Variants in CPED1 observed in about 807,000 individuals in gnomAD.
CPED1 encodes the protein cadherin-like and PC-esterase domain-containing protein 1.
A neutral mutation model predicts 128.2 loss-of-function variants in CPED1; 114 were observed. The ratio of observed to expected loss-of-function variants is 0.89; its 90% CI spans 0.76 to 1.04. The LOEUF (loss-of-function observed/expected upper bound fraction) is 1.04, where lower values mean the gene tolerates loss of function less well. Ranked by LOEUF, CPED1 falls within the 50% of genes least tolerant of loss-of-function variation. CPED1 has a pLI of 0.00. For synonymous variants in CPED1, 462 were observed against 426.7 expected (o/e 1.08, Z -1.02); for missense variants, 1,211 against 1,207.1 (o/e 1.00, Z -0.05).
rs73723408 is a variant in CPED1 at position 121,059,375 on chromosome 7, C to T, written c.541-4863C>T. Among the ~76,000 whole-genome samples the T allele has an allele frequency of 7.0e-3, 1,071 of 152,218 alleles. 14 individuals carry two copies. Among genetic ancestry groups the T allele is most frequent in the African/African-American group, 0.025 (1,024 of 41,532 alleles). On this transcript the variant is annotated intron_variant, in intron 4 of 22. Coordinates refer to ENST00000310396, the MANE Select transcript of CPED1 (RefSeq NM_024913.5). Reference sequence around the variant, plus strand: ...TTTGATCAGCTGGTTCTCCTAATTCCTCGTCATTAATTCTTTTCATTGTGG... The same window carrying T: ...TTTGATCAGCTGGTTCTCCTAATTCTTCGTCATTAATTCTTTTCATTGTGG...
intron 7 of CPED1, among the ~76,000 whole-genome samples, chr7:121,101,871 A>G (rs1794857974): frequency 6.6e-6 from 1 of 152,114 alleles, no homozygotes; most frequent in Non-Finnish European, 1.5e-5. Context: ...AGTGATCCAC[A>G]CCTGCAACCC....
chr7:121,067,488 C>T (rs1192580571), intron 5 of CPED1, among the ~76,000 whole-genome samples: 1 of 152,104 alleles, frequency 6.6e-6, no homozygotes, highest in Non-Finnish European at 1.5e-5. Context: ...GTACACGTGC[C>T]ACATTTTCTT....
intron 4 of CPED1, among the ~76,000 whole-genome samples, chr7:121,049,340 C>G (rs563662773): frequency 6.6e-6 from 1 of 152,300 alleles, no homozygotes; most frequent in East Asian, 1.9e-4. Context: ...AGGAGGTGTC[C>G]TTGGAAAGGT....
At chr7:121,129,497 A>C (rs1752832800) in intron 11 of CPED1, among the ~76,000 whole-genome samples, 1 of 151,366 alleles carries the variant, frequency 6.6e-6, no homozygotes, top group Non-Finnish European at 1.5e-5. Flanking sequence ...GCACAATATC[A>C]TTTTAACTAT....
chr7:121,021,918 T>C (rs191785864), intron 3 of CPED1, among the ~76,000 whole-genome samples: 1 of 152,152 alleles, frequency 6.6e-6, no homozygotes, highest in Non-Finnish European at 1.5e-5. Context: ...GATGTTATTA[T>C]GGGTAAAATG....
chr7:121,160,979 G>A (rs752598411), intron 16 of CPED1, among the ~76,000 whole-genome samples: 1 of 152,040 alleles, frequency 6.6e-6, no homozygotes, highest in African/African-American at 2.4e-5. Context: ...GATTTATTTT[G>A]CCATCTTCTC....
At chr7:121,111,597 G>A (rs569036695) in intron 7 of CPED1, among the ~76,000 whole-genome samples, 29 of 152,286 alleles carry the variant, frequency 1.9e-4, no homozygotes, top group Non-Finnish European at 3.1e-4. Context: ...ACCCTAAAAA[G>A]GGTTCAATCT....
At chr7:121,047,715 CTT>C (rs530980600) in intron 4 of CPED1, among the ~76,000 whole-genome samples, 19 of 76,026 alleles carry the variant, frequency 2.5e-4, no homozygotes, top group African/African-American at 5.8e-4. Context: ...TCTTCTTCTT[CTT>C]TTTTTTTTTT....
intron 16 of CPED1, among the ~76,000 whole-genome samples, chr7:121,176,382 CT>C (rs200279764): frequency 6.1e-5 from 9 of 147,228 alleles, no homozygotes; most frequent in African/African-American, 1.0e-4. Context: ...TCTCTGATTT[CT>C]TTTTTTTTTA....
intron 18 of CPED1, among the ~76,000 whole-genome samples, chr7:121,252,839 T>C (rs1282238805): frequency 6.6e-6 from 1 of 152,040 alleles, no homozygotes; most frequent in Non-Finnish European, 1.5e-5. Context: ...TGTGGAGAAA[T>C]AGGAACACTT....
Position 121,046,879 on chromosome 7 carries a change from G to C in CPED1, c.434-8G>C, listed in dbSNP as rs1433030885. The C allele has an allele frequency of 6.3e-7, 1 of 1,580,572 alleles. No homozygotes were observed. Among genetic ancestry groups the C allele is most frequent in the Admixed American group, 1.7e-5 (1 of 58,628 alleles). On this transcript the variant is annotated splice_polypyrimidine_tract_variant and splice_region_variant and intron_variant, in intron 3 of 22. Coordinates refer to ENST00000310396, the MANE Select transcript of CPED1 (RefSeq NM_024913.5). ...ACTTATTTGTTTTGAATATTCTTTT[G>C]CTTTTAGGTGATCTGGGCTCTTGGG...
At chr7:121,087,461 T>C (rs760646046) in intron 5 of CPED1, among the ~76,000 whole-genome samples, 24 of 152,132 alleles carry the variant, frequency 1.6e-4, no homozygotes, top group Non-Finnish European at 2.4e-4. Context: ...CCCTCTTTCT[T>C]AGAGAGGGAA....
rs189051728 is a variant in CPED1 at position 121,017,034 on chromosome 7, G to C, written c.433+1186G>C. ...GGAAGATGTTTCTGAGAAGGTTGGG[G>C]GACTATTTAGCCATGGCTATCCTTT... On this transcript the variant is annotated intron_variant, in intron 3 of 22. Transcript: ENST00000310396. Among the ~76,000 whole-genome samples the C allele has an allele frequency of 6.6e-5, 10 of 152,274 alleles. No homozygotes were observed. In the East Asian group the frequency reaches 1.7e-3, roughly 26 times the overall value.
At chr7:121,093,167 T>C (rs924465777) in intron 5 of CPED1, among the ~76,000 whole-genome samples, 4 of 152,174 alleles carry the variant, frequency 2.6e-5, no homozygotes, top group African/African-American at 9.7e-5. Context: ...ACACTGGAAC[T>C]GTTTTTCACA....
At chr7:121,117,754 G>A (rs991970252) in intron 7 of CPED1, among the ~76,000 whole-genome samples, 4 of 151,972 alleles carry the variant, frequency 2.6e-5, no homozygotes, top group Admixed American at 6.6e-5. Context: ...CCTTTCATAC[G>A]GATCATACAT....
chr7:121,119,621 C>T (rs993894277), intron 7 of CPED1, among the ~76,000 whole-genome samples: 1 of 150,926 alleles, frequency 6.6e-6, no homozygotes, highest in Non-Finnish European at 1.5e-5. Flanking sequence ...GTCAGGAGAT[C>T]GAGACCATCC....
At chr7:121,248,832 G>A (rs184944609) in intron 18 of CPED1, among the ~76,000 whole-genome samples, 13 of 152,216 alleles carry the variant, frequency 8.5e-5, no homozygotes, top group African/African-American at 2.9e-4. Flanking sequence ...TTCTTAATCA[G>A]TATAAAATGA....
chr7:121,099,717 C>T (rs1257268535), intron 6 of CPED1, among the ~76,000 whole-genome samples: 1 of 152,138 alleles, frequency 6.6e-6, no homozygotes, highest in East Asian at 1.9e-4. Context: ...GAGTGGGGAA[C>T]TATTACCAAT....
At chr7:121,067,630 G>A (rs1343013743) in intron 5 of CPED1, among the ~76,000 whole-genome samples, 1 of 152,198 alleles carries the variant, frequency 6.6e-6, no homozygotes, top group Non-Finnish European at 1.5e-5. Context: ...TATATACCCA[G>A]TAATGGGATG....
Sources: allele counts gnomAD v4.1 joint callset (sites outside exome capture counted in the v4.1 genomes callset), GRCh38; gene constraint gnomAD v4.1.1; transcripts MANE v1.5; gene names NCBI Gene and HGNC (gene_info 2026-07-23, HGNC 2026-07-21).